Variants in ZNF737 observed in about 807,000 individuals in gnomAD.
ZNF737 encodes zinc finger protein 102 (Y3).
ZNF737 carries 13 observed loss-of-function variants against 11.7 expected under a neutral mutation model. The ratio of observed to expected loss-of-function variants is 1.11; its 90% confidence interval spans 0.73 to 1.77. The LOEUF (loss-of-function observed/expected upper bound fraction) is 1.77. ZNF737 is among the 40% of genes most tolerant of loss of function. The pLI, the probability that ZNF737 is intolerant of heterozygous loss-of-function variation, is 0.00. For synonymous variants in ZNF737, 217 were observed against 216.2 expected (o/e 1.00, Z -0.03); for missense variants, 636 against 638.0 (o/e 1.00, Z 0.03).
intron 3 of ZNF737, among the ~76,000 whole-genome samples, chr19:20,546,539 A>G (rs1348635202): frequency 2.6e-5 from 4 of 152,228 alleles, no homozygotes; most frequent in African/African-American, 9.6e-5. Context: ...CAAAACCAAG[A>G]TAATACACAG....
In ZNF737 at chr19:20,539,801, A is replaced by G. The variant is rs1968126316; in HGVS notation, c.*4791T>C. 1.0e-6 allele frequency: 1 copy of G among 985,476 alleles called. No homozygotes were observed. The highest frequency in any genetic ancestry group is 1.2e-6 in the Non-Finnish European group (1 of 829,938). The allele number at this position is 985,476 out of a possible 1,614,324, so 61.0% of individuals were successfully genotyped here. A position where few individuals can be genotyped will look rare whatever the true frequency, so the allele number is the denominator to read the frequency against. ...TCTTCATGGCATTTCTGTAATAAAT[A>G]GTGTAAACCTGTGTCACCAGAATGG... On this transcript the variant is annotated 3_prime_UTR_variant, in exon 4 of 4. Transcript: ENST00000427401.
the ZNF737 span, among the ~76,000 whole-genome samples, chr19:20,530,677 G>A: frequency 0.03 from 4,523 of 148,296 alleles, 446 homozygotes; most frequent in African/African-American, 0.1. Flanking sequence ...ATGGGCAGCC[G>A]GGCAGAGATG....
chr19:20,547,338 G>T (rs868969844), intron 3 of ZNF737, among the ~76,000 whole-genome samples: 102 of 142,448 alleles, frequency 7.2e-4, no homozygotes, highest in African/African-American at 2.6e-3. Flanking sequence ...CTGAGATTGC[G>T]TCACTGCACT....
At position 20,542,906 on chromosome 19, in the gene ZNF737, T is replaced by G. The variant is rs1555755441; in HGVS notation, c.*1686A>C. On this transcript the variant is annotated 3_prime_UTR_variant, in exon 4 of 4. Coordinates refer to ENST00000427401, the MANE Select transcript of ZNF737 (RefSeq NM_001159293.2). Reference sequence around the variant, plus strand: ...ACATCATTATTCAGCTTTCAAAAAATTTTATTCAAGGAAACAAGTATACTT... The same window carrying G: ...ACATCATTATTCAGCTTTCAAAAAAGTTTATTCAAGGAAACAAGTATACTT... 2 of 985,084 alleles carry G rather than the reference T, an allele frequency of 2.0e-6. No homozygotes were observed. Among genetic ancestry groups the G allele is most frequent in the African/African-American group, 3.5e-5 (2 of 57,234 alleles). 61.0% of individuals were successfully genotyped at this position (985,084 alleles called of 1,614,324 possible).
intron 1 of ZNF737, among the ~76,000 whole-genome samples, chr19:20,561,219 T>C (rs531034970): frequency 3.2e-4 from 49 of 152,016 alleles, no homozygotes; most frequent in African/African-American, 7.2e-4. Context: ...AAATGCTAGG[T>C]TGGTGGAGAA....
Position 20,544,953 on chromosome 19 carries a change from A to T in ZNF737, c.1250T>A (p.Ile417Lys). The change falls in exon 4 of 4, where the codon ATA becomes AAA. Residue 417 changes from isoleucine (I) to lysine (K), a missense_variant. Ile to Lys is a moderately radical substitution (Grantham distance 102). Coordinates refer to ENST00000427401, the MANE Select transcript of ZNF737 (RefSeq NM_001159293.2). ...KYSSSLTTHKIIHTGQQPFKC... is the reference protein window; with the variant it reads ...KYSSSLTTHKKIHTGQQPFKC... The stretch of plus-strand genomic sequence containing the variant: ...GAAGGGTTGCTGTCCAGTATGGATT[A>T]TCTTATGTGTAGTAAGGGAAGAGGA... The T allele has an allele frequency of 6.2e-7, 1 of 1,611,030 alleles. No homozygotes were observed. The highest frequency in any genetic ancestry group is 1.4e-5 in the African/African-American group (1 of 74,042).
chr19:20,545,338 C>T lies in ZNF737; in HGVS notation c.865G>A (p.Glu289Lys). Residue 289 changes from glutamate to lysine, a missense_variant, in exon 4 of 4, where the codon GAA (glutamate) becomes AAA (lysine). Physicochemically the swap from Glu to Lys is moderately conservative, Grantham distance 56. Transcript: ENST00000427401. The part of the protein sequence containing the change: ...HTGEKPYKCE[E>K]CGKAFKRSSI... ...GAGCGCTTAAAGGCCTTGCCACATT[C>T]TTCACATTTGTAGGGTTTCTCTCCA... 6.2e-7 allele frequency: 1 copy of T among 1,613,826 alleles called. No individual in the cohort carries two copies. Among genetic ancestry groups the T allele is most frequent in the Non-Finnish European group, 8.5e-7 (1 of 1,179,934 alleles).
At position 20,541,395 on chromosome 19, in the gene ZNF737, A is replaced by G. The variant is rs1555755081; in HGVS notation, c.*3197T>C. The stretch of plus-strand genomic sequence containing the variant: ...GGCAGAGACCACATGTTCAAGGAAA[A>G]CTATATTACAAGTATTTATAATTTT... On this transcript the variant is annotated 3_prime_UTR_variant, in exon 4 of 4. Coordinates refer to ENST00000427401, the MANE Select transcript of ZNF737 (RefSeq NM_001159293.2). 4 of 983,526 alleles carry G rather than the reference A, an allele frequency of 4.1e-6. No individual in the cohort carries two copies. The East Asian group carries it at 4.5e-4, about 112-fold the overall frequency. The allele number at this position is 983,526 out of a possible 1,614,324, so 60.9% of individuals were successfully genotyped here. A position where few individuals can be genotyped will look rare whatever the true frequency, so the allele number is the denominator to read the frequency against.
chr19:20,565,665 G>A lies in ZNF737; in HGVS notation c.-25C>T. 1 of 1,614,176 alleles carries A rather than the reference G, an allele frequency of 6.2e-7. No homozygotes were observed. Among genetic ancestry groups the A allele is most frequent in the Non-Finnish European group, 8.5e-7 (1 of 1,180,034 alleles). ...TTTCTAGGCTTCCAGGGGCTCCCGGGCGTCTTAGCTGTGGATCTCCCAATA... is the reference window on the plus strand; with the variant it reads ...TTTCTAGGCTTCCAGGGGCTCCCGGACGTCTTAGCTGTGGATCTCCCAATA... On this transcript the variant is annotated 5_prime_UTR_variant, in exon 1 of 4. Coordinates refer to ENST00000427401, the MANE Select transcript of ZNF737 (RefSeq NM_001159293.2).
chr19:20,564,763 ATAAT>A (rs1370200034), intron 1 of ZNF737, among the ~76,000 whole-genome samples: 1 of 152,252 alleles, frequency 6.6e-6, no homozygotes, highest in East Asian at 1.9e-4. Flanking sequence ...GCGTGTGAAA[ATAAT>A]TAAGTGGCAG....
downstream of ZNF737, among the ~76,000 whole-genome samples, chr19:20,534,849 T>A (rs1967919887): frequency 6.7e-6 from 1 of 150,062 alleles, no homozygotes; most frequent in Admixed American, 6.7e-5. Context: ...AGATAATTTC[T>A]GTTTTACTAA....
At chr19:20,550,481 A>G (rs1968621859) in intron 3 of ZNF737, among the ~76,000 whole-genome samples, 1 of 152,236 alleles carries the variant, frequency 6.6e-6, no homozygotes, top group South Asian at 2.1e-4. Context: ...TCTGAAAGAG[A>G]ACATAGAAAG....
At chr19:20,534,191 C>T (rs1342374870), downstream of ZNF737, among the ~76,000 whole-genome samples, 1 of 150,040 alleles carries the variant, frequency 6.7e-6, no homozygotes, top group Non-Finnish European at 1.5e-5. Context: ...TCTGTAATCC[C>T]AGCAATTTGG....
At chr19:20,557,434 C>A (rs1413258307) in intron 1 of ZNF737, among the ~76,000 whole-genome samples, 2 of 148,232 alleles carry the variant, frequency 1.3e-5, no homozygotes, top group Admixed American at 1.4e-4. Flanking sequence ...ATGTAAAATT[C>A]TGCTCTCTAT....
downstream of ZNF737, among the ~76,000 whole-genome samples, chr19:20,537,678 G>A (rs567978456): frequency 1.7e-4 from 25 of 150,202 alleles, no homozygotes; most frequent in East Asian, 3.9e-4. Context: ...CACTATGCCC[G>A]GCTAATTTTT....
intron 3 of ZNF737, among the ~76,000 whole-genome samples, chr19:20,548,985 T>TAAAAC (rs1555757702): frequency 2.6e-4 from 19 of 72,762 alleles, no homozygotes; most frequent in African/African-American, 1.1e-3. Flanking sequence ...AAAAAACAAT[T>TAAAAC]ATGTATCTTT....
intron 2 of ZNF737, among the ~76,000 whole-genome samples, chr19:20,552,857 C>CA (rs1555758989): frequency 2.0e-5 from 3 of 151,866 alleles, no homozygotes; most frequent in African/African-American, 7.2e-5. Context: ...ACTAAAAATA[C>CA]AAACATTAGC....
At chr19:20,546,060 A>C in intron 3 of ZNF737, 84 bp from the exon 4 acceptor site, 2 of 1,422,448 alleles carry the variant, frequency 1.4e-6, no homozygotes, top group South Asian at 1.5e-5. Flanking sequence ...ATAATTATAC[A>C]AACTACATAA....
At position 20,540,579 on chromosome 19, in the gene ZNF737, T is replaced by C. The variant is rs1051928356; in HGVS notation, c.*4013A>G. Among the ~76,000 whole-genome samples, 2 of 152,128 alleles carry C rather than the reference T, an allele frequency of 1.3e-5. No homozygotes were observed. Among genetic ancestry groups the C allele is most frequent in the East Asian group, 1.9e-4 (1 of 5,190 alleles). On this transcript the variant is annotated 3_prime_UTR_variant, in exon 4 of 4. Transcript: ENST00000427401. ...TTTGGGACCAGCCTGGCCAACATGA[T>C]GAAACCCTGTCTCTACTAAAAATAC...
Sources: gnomAD v4.1 joint callset for allele counts (sites outside exome capture counted in the v4.1 genomes callset) on GRCh38, gnomAD v4.1.1 for gene constraint, MANE v1.5 for transcripts, NCBI Gene and HGNC (gene_info 2026-07-23, HGNC 2026-07-21) for gene names.